The following IL7 variants were observed in gnomAD, a reference collection of about 807,000 sequenced individuals.
The protein encoded by IL7 is interleukin-7.
IL7 carries 3 observed loss-of-function variants against 21.6 expected under a neutral mutation model. That is an observed-to-expected ratio of 0.14 (90% CI 0.06 to 0.36). The LOEUF is 0.36. IL7 is among the 10% of genes least tolerant of loss of function. IL7 has a pLI of 1.00. For synonymous variants in IL7, 62 were observed against 68.1 expected (o/e 0.91, Z 0.44); for missense variants, 175 against 200.2 (o/e 0.87, Z 0.76).
chr8:78,688,859 C>T (rs1810111538), intron 3 of IL7, among the ~76,000 whole-genome samples: 1 of 151,900 alleles, frequency 6.6e-6, no homozygotes, highest in Non-Finnish European at 1.5e-5. Flanking sequence ...TTATTACTTC[C>T]TAACTAGTCT....
At chr8:78,681,362 C>G (rs985833672) in intron 4 of IL7, among the ~76,000 whole-genome samples, 1 of 152,080 alleles carries the variant, frequency 6.6e-6, no homozygotes, top group Admixed American at 6.5e-5. Flanking sequence ...AAAAGAACAG[C>G]AGAACATCAG....
At position 78,740,048 on chromosome 8, in the gene IL7, T is replaced by C; in HGVS notation, c.182A>G (p.Asn61Ser). ...TCTTTTAAAAAAGTTAAATTCATTATTCAGGCAATTGCTACCAATTTCTTT... is the reference window on the plus strand; with the variant it reads ...TCTTTTAAAAAAGTTAAATTCATTACTCAGGCAATTGCTACCAATTTCTTT... ...SMKEIGSNCL[N>S]NEFNFFKRHI... is the part of the protein sequence containing the mutation. Residue 61 changes from asparagine to serine, a missense_variant, in exon 3 of 6, where the codon AAT becomes AGT. By Grantham distance (46) the Asn-to-Ser change is conservative. Transcript: ENST00000263851. 1 of 1,538,974 alleles carries C rather than the reference T, an allele frequency of 6.5e-7. No homozygotes were observed.
chr8:78,802,957 GA>G (rs1814132626), intron 1 of IL7, among the ~76,000 whole-genome samples: 1 of 151,988 alleles, frequency 6.6e-6, no homozygotes, highest in Admixed American at 6.6e-5. Flanking sequence ...TTTTATTTCA[GA>G]AAAAGAGACT....
Position 78,736,668 on chromosome 8 carries a change from T to C in IL7, c.361-141A>G, listed in dbSNP as rs1156618622. The C allele has an allele frequency of 9.0e-6, 5 of 555,764 alleles. No homozygotes were observed. The South Asian group carries it at 1.5e-4, about 16-fold the overall frequency. The allele number at this position is 555,764 out of a possible 1,614,324, so 34.4% of individuals were successfully genotyped here. On this transcript the variant is annotated intron_variant, in intron 4 of 5. Coordinates refer to ENST00000263851, the MANE Select transcript of IL7 (RefSeq NM_000880.4). Reference sequence around the variant, plus strand: ...TTTAAATTTCTTATTGTTAAGAAAGTAAAATATTAATATGATTTAGAAATG... The same window carrying C: ...TTTAAATTTCTTATTGTTAAGAAAGCAAAATATTAATATGATTTAGAAATG...
At chr8:78,788,246 A>G (rs932038927) in intron 2 of IL7, among the ~76,000 whole-genome samples, 2 of 151,636 alleles carry the variant, frequency 1.3e-5, no homozygotes, top group South Asian at 4.2e-4. Flanking sequence ...TCTTGTTCTC[A>G]ATTTCATCTC....
At chr8:78,768,258 T>C (rs560576141) in intron 2 of IL7, among the ~76,000 whole-genome samples, 1 of 152,158 alleles carries the variant, frequency 6.6e-6, no homozygotes, top group Non-Finnish European at 1.5e-5. Flanking sequence ...TATAGCAGCA[T>C]GATTTATAGT....
At chr8:78,718,092 C>G (rs951970344) in intron 6 of IL7, 1 of 151,954 alleles carries the variant, frequency 6.6e-6, no homozygotes, top group African/African-American at 2.4e-5. Flanking sequence ...AAACATCTTA[C>G]TTGTTTTGTA....
At chr8:78,775,523 C>T (rs1344963962) in intron 2 of IL7, among the ~76,000 whole-genome samples, 2 of 152,210 alleles carry the variant, frequency 1.3e-5, no homozygotes, top group South Asian at 2.1e-4. Context: ...AGGAATGGAT[C>T]TCAGAGATTA....
exon 7 of IL7, chr8:78,717,978 C>T (rs551780566): frequency 1.3e-5 from 2 of 152,202 alleles, no homozygotes; most frequent in Non-Finnish European, 2.9e-5. Context: ...GTTTTAGTTA[C>T]CATTAGGTAT....
intron 4 of IL7, among the ~76,000 whole-genome samples, chr8:78,680,486 A>T (rs1417806284): frequency 6.6e-6 from 1 of 152,144 alleles, no homozygotes; most frequent in Non-Finnish European, 1.5e-5. Context: ...TCCTTGGGTG[A>T]GTCGTATGCA....
At chr8:78,800,057 C>A (rs991275608) in intron 1 of IL7, among the ~76,000 whole-genome samples, 1 of 152,100 alleles carries the variant, frequency 6.6e-6, no homozygotes, top group Non-Finnish European at 1.5e-5. Flanking sequence ...GGTAATTTTT[C>A]AATCCTTATC....
intron 5 of IL7, among the ~76,000 whole-genome samples, chr8:78,736,049 C>A (rs1231777273): frequency 6.6e-6 from 1 of 150,792 alleles, no homozygotes; most frequent in South Asian, 2.1e-4. Flanking sequence ...ACTGTACAAT[C>A]TACACTAATA....
At chr8:78,675,986 T>C in exon 5 of IL7, 8 of 723,050 alleles carry the variant, frequency 1.1e-5, no homozygotes, top group South Asian at 4.8e-5. Context: ...GGTACTATTC[T>C]TTGTTCAAGG....
intron 3 of IL7, among the ~76,000 whole-genome samples, chr8:78,699,708 G>A (rs1810539265): frequency 6.6e-6 from 1 of 152,132 alleles, no homozygotes; most frequent in Non-Finnish European, 1.5e-5. Flanking sequence ...TTATAAGTGA[G>A]AACATGCAGT....
At position 78,760,220 on chromosome 8, in the gene IL7, C is replaced by T. The variant is rs2130759689; in HGVS notation, c.148-20138G>A. On this transcript the variant is annotated intron_variant, in intron 2 of 5. Coordinates refer to ENST00000263851, the MANE Select transcript of IL7 (RefSeq NM_000880.4). ...TATAGAGTTTAATATATGTGTCCAC[C>T]ATTAAATCCAGGTCGTGTTTTATAT... is the stretch of plus-strand genomic sequence containing the variant. The T allele has an allele frequency of 4.4e-6, 7 of 1,595,046 alleles. No homozygotes were observed. The East Asian group carries it at 1.6e-4, about 36-fold the overall frequency.
At chr8:78,785,520 T>C (rs1057165326) in intron 2 of IL7, among the ~76,000 whole-genome samples, 1 of 152,220 alleles carries the variant, frequency 6.6e-6, no homozygotes, top group African/African-American at 2.4e-5. Flanking sequence ...CTTGGTTGTA[T>C]AATATTTTTT....
chr8:78,735,276 C>CTTTTTTTTTTTTTTTTGTTTTTTTTTT (rs1328298966), intron 5 of IL7, among the ~76,000 whole-genome samples: 1 of 78,518 alleles, frequency 1.3e-5, no homozygotes, highest in Non-Finnish European at 2.3e-5. Flanking sequence ...CTTTTCTTTT[C>CTTTTTTTTTTTTTTTTGTTTTTTTTTT]TTTTTTTTTT....
In IL7 at chr8:78,754,353, AAGG is replaced by A. The variant is rs1812277246; in HGVS notation, c.148-14274_148-14272del. Reference sequence around the variant, plus strand: ...TACAAGGGATGTGAAGGACCTCTTGAAGGAGAACTACAAACCACTGCTCAAGGA... The same window carrying A: ...TACAAGGGATGTGAAGGACCTCTTGAAGAACTACAAACCACTGCTCAAGGA... On this transcript the variant is annotated intron_variant, in intron 2 of 5. Coordinates refer to ENST00000263851, the MANE Select transcript of IL7 (RefSeq NM_000880.4). Among the ~76,000 whole-genome samples, 9 of 152,336 alleles carry A rather than the reference AAGG, an allele frequency of 5.9e-5. No homozygotes were observed. In the South Asian group the frequency reaches 1.7e-3, roughly 28 times the overall value.
chr8:78,781,576 T>G (rs1813332231), intron 2 of IL7, among the ~76,000 whole-genome samples: 2 of 152,188 alleles, frequency 1.3e-5, no homozygotes, highest in Non-Finnish European at 2.9e-5. Flanking sequence ...GGGTTTCTGC[T>G]GAGAGGTTTG....
Sources: allele counts gnomAD v4.1 joint callset (sites outside exome capture counted in the v4.1 genomes callset), GRCh38; gene constraint gnomAD v4.1.1; transcripts MANE v1.5; gene names NCBI Gene and HGNC (gene_info 2026-07-23, HGNC 2026-07-21).